The following STX19 variants were observed in gnomAD, a reference collection of about 807,000 sequenced individuals.
STX19 encodes the protein syntaxin 19.
In STX19, 26 loss-of-function variants were observed where a neutral mutation model predicts 24.3. The observed-to-expected ratio is 1.07, with a 90% confidence interval of 0.78 to 1.48. The LOEUF is 1.48. Ranked by LOEUF, STX19 falls within the 40% of genes most tolerant of loss-of-function variation. The pLI is 0.00. For synonymous variants in STX19, 116 were observed against 106.9 expected (o/e 1.09, Z -0.52); for missense variants, 367 against 331.9 (o/e 1.11, Z -0.82).
chr3:94,015,241 T>C lies in STX19; in HGVS notation c.29A>G (p.Gln10Arg), dbSNP rs1302854322. 1.9e-6 allele frequency: 3 copies of C among 1,564,722 alleles called. No homozygotes were observed. Among genetic ancestry groups the C allele is most frequent in the East Asian group, 4.5e-5 (2 of 44,308 alleles). ...AGAGAGTTCAATTTCCTTTGTTCTC[T>C]GCTTTAGTTCTTGAAGTCGGTCTTT... MKDRLQELK[Q>R]RTKEIELSRD... Residue 10 changes from glutamine (Q) to arginine (R), a missense_variant, in exon 2 of 2, where the codon CAG becomes CGG. Coordinates refer to ENST00000315099, the MANE Select transcript of STX19 (RefSeq NM_001001850.3).
intron 1 of STX19, among the ~76,000 whole-genome samples, chr3:94,023,263 T>C (rs975341913): frequency 6.6e-6 from 1 of 152,168 alleles, no homozygotes; most frequent in African/African-American, 2.4e-5. Flanking sequence ...AAAGTTTTGT[T>C]ACTACATCTT....
intron 1 of STX19, among the ~76,000 whole-genome samples, chr3:94,018,649 C>T (rs2076383384): frequency 6.6e-6 from 1 of 152,164 alleles, no homozygotes; most frequent in Non-Finnish European, 1.5e-5. Context: ...CTGACAGCTG[C>T]ATTTGAATGC....
chr3:94,016,883 G>C (rs1180772771), intron 1 of STX19, among the ~76,000 whole-genome samples: 1 of 152,096 alleles, frequency 6.6e-6, no homozygotes, highest in Non-Finnish European at 1.5e-5. Context: ...CTGACCTCGT[G>C]ATCCGCCCAC....
At chr3:94,020,307 G>A (rs2076420867) in intron 1 of STX19, among the ~76,000 whole-genome samples, 1 of 152,144 alleles carries the variant, frequency 6.6e-6, no homozygotes, top group East Asian at 1.9e-4. Context: ...ATAAGAACAA[G>A]TATTGTCATG....
At position 94,014,484 on chromosome 3, in the gene STX19, G is replaced by T. The variant is rs1238300135; in HGVS notation, c.786C>A (p.Asn262Lys). The T allele has an allele frequency of 6.2e-7, 1 of 1,609,828 alleles. No individual in the cohort carries two copies. The highest frequency in any genetic ancestry group is 8.5e-7 in the Non-Finnish European group (1 of 1,178,804). Residue 262 changes from asparagine (N) to lysine (K), a missense_variant, in exon 2 of 2, where the codon AAC becomes AAA. Transcript: ENST00000315099. ...MTVNSTKEYV[N>K]NTKEKFGLAV... Reference sequence around the variant, plus strand: ...CTAGTCCAAATTTCTCTTTAGTATTGTTAACATACTCTTTTGTACTATTCA... The same window carrying T: ...CTAGTCCAAATTTCTCTTTAGTATTTTTAACATACTCTTTTGTACTATTCA...
chr3:94,024,582 C>A (rs35775946), intron 1 of STX19, among the ~76,000 whole-genome samples: 1 of 151,900 alleles, frequency 6.6e-6, no homozygotes, highest in Non-Finnish European at 1.5e-5. Flanking sequence ...CTTTTTTGGG[C>A]GTGTTGTTTT....
At chr3:94,027,440 T>C (rs536174566) in intron 1 of STX19, among the ~76,000 whole-genome samples, 21 of 152,218 alleles carry the variant, frequency 1.4e-4, no homozygotes, top group African/African-American at 4.8e-4. Context: ...ATTAAGATCA[T>C]TTTTGTTTAA....
intron 1 of STX19, among the ~76,000 whole-genome samples, chr3:94,020,396 G>A (rs1356546056): frequency 6.6e-6 from 1 of 152,168 alleles, no homozygotes; most frequent in East Asian, 1.9e-4. Flanking sequence ...GTAGAGTTGA[G>A]ATTCAGATTC....
rs192082250 is a variant in STX19 at position 94,019,484 on chromosome 3, C to T, written c.-13-4202G>A. 3.3e-5 allele frequency among the ~76,000 whole-genome samples: 5 copies of T among 152,252 alleles called. No individual in the cohort carries two copies. In the East Asian group the frequency reaches 5.8e-4, roughly 18 times the overall value. On this transcript the variant is annotated intron_variant, in intron 1 of 1. Coordinates refer to ENST00000315099, the MANE Select transcript of STX19 (RefSeq NM_001001850.3). ...TGCTGGGATTACAGGCATGAGCCAC[C>T]GCAACTGGTCAAGTCCCTGTTATTT...
At chr3:94,027,930 A>G (rs2076591494) in intron 1 of STX19, among the ~76,000 whole-genome samples, 1 of 152,150 alleles carries the variant, frequency 6.6e-6, no homozygotes, top group Non-Finnish European at 1.5e-5. Context: ...ATAGCAAATT[A>G]TTTCAGATTT....
At chr3:94,017,778 G>T (rs2107503447) in intron 1 of STX19, among the ~76,000 whole-genome samples, 1 of 152,280 alleles carries the variant, frequency 6.6e-6, no homozygotes, top group Admixed American at 6.5e-5. Flanking sequence ...AAGAGCCGAG[G>T]GAGTGTATTG....
rs545330073 is a variant in STX19, at chr3:94,020,827, C to T, written c.-13-5545G>A. 4.1e-4 allele frequency among the ~76,000 whole-genome samples: 62 copies of T among 152,198 alleles called. 1 individual carries two copies. Among genetic ancestry groups the T allele is most frequent in the Non-Finnish European group, 1.5e-5 (1 of 68,010 alleles). On this transcript the variant is annotated intron_variant, in intron 1 of 1. Transcript: ENST00000315099. Reference sequence around the variant, plus strand: ...ATACTTAATTCAAATAGCCGGTAATCTTTTGTTTTTGCCACTGATTTGCTA... The same window carrying T: ...ATACTTAATTCAAATAGCCGGTAATTTTTTGTTTTTGCCACTGATTTGCTA...
intron 1 of STX19, among the ~76,000 whole-genome samples, chr3:94,026,239 C>T (rs1240606890): frequency 1.3e-5 from 2 of 152,048 alleles, no homozygotes; most frequent in Admixed American, 1.3e-4. Context: ...CAGGAGAAAA[C>T]TTCGCTTTTT....
intron 1 of STX19, among the ~76,000 whole-genome samples, chr3:94,019,753 G>A (rs1159745039): frequency 6.6e-6 from 1 of 152,088 alleles, no homozygotes; most frequent in African/African-American, 2.4e-5. Flanking sequence ...TTACCCCTCC[G>A]ACCTCACCTC....
intron 1 of STX19, among the ~76,000 whole-genome samples, chr3:94,015,495 G>A (rs2107492618): frequency 6.6e-6 from 1 of 152,294 alleles, no homozygotes; most frequent in East Asian, 1.9e-4. Flanking sequence ...CTTTGCATGT[G>A]AGTGCTATTT....
intron 1 of STX19, among the ~76,000 whole-genome samples, chr3:94,015,743 T>G (rs973632130): frequency 6.6e-6 from 1 of 152,178 alleles, no homozygotes; most frequent in African/African-American, 2.4e-5. Context: ...GTTAAAACCA[T>G]TGTAGTGACA....
At chr3:94,026,531 C>T (rs1056255258) in intron 1 of STX19, among the ~76,000 whole-genome samples, 2 of 152,072 alleles carry the variant, frequency 1.3e-5, no homozygotes, top group African/African-American at 2.4e-5. Context: ...ATATGTATAA[C>T]TATCCAATTT....
intron 1 of STX19, among the ~76,000 whole-genome samples, chr3:94,026,911 T>C (rs1369947034): frequency 6.6e-6 from 1 of 152,128 alleles, no homozygotes; most frequent in Non-Finnish European, 1.5e-5. Flanking sequence ...CTTGGACAAC[T>C]TGTTCTGGGA....
intron 1 of STX19, among the ~76,000 whole-genome samples, chr3:94,025,974 T>A (rs1177764693): frequency 6.6e-6 from 1 of 152,112 alleles, no homozygotes; most frequent in African/African-American, 2.4e-5. Flanking sequence ...CTCTTCACTT[T>A]GGCTTTAAGT....
Sources: gnomAD v4.1 joint callset for allele counts (sites outside exome capture counted in the v4.1 genomes callset) on GRCh38, gnomAD v4.1.1 for gene constraint, MANE v1.5 for transcripts, NCBI Gene and HGNC (gene_info 2026-07-23, HGNC 2026-07-21) for gene names.